Variants in EPS15 observed in about 807,000 individuals in gnomAD.
The protein encoded by EPS15 is epidermal growth factor receptor substrate 15.
Under a neutral mutation model 113.8 loss-of-function variants are expected in EPS15, and 72 were observed. That is an observed-to-expected ratio of 0.63 (90% CI 0.52 to 0.77). The LOEUF is 0.77. Ranked by LOEUF, EPS15 falls within the 30% of genes least tolerant of loss-of-function variation. The pLI is 0.00. For synonymous variants in EPS15, 344 were observed against 363.4 expected (o/e 0.95, Z 0.61); for missense variants, 1,048 against 1,045.8 (o/e 1.00, Z -0.03).
At chr1:51,452,748 A>G (rs1653680897) in intron 8 of EPS15, among the ~76,000 whole-genome samples, 1 of 152,206 alleles carries the variant, frequency 6.6e-6, no homozygotes, top group Non-Finnish European at 1.5e-5. Context: ...CAGCTTTATT[A>G]GCAGCACATA....
chr1:51,368,589 T>C (rs143701612), intron 21 of EPS15, among the ~76,000 whole-genome samples: 2,238 of 148,870 alleles, frequency 0.015, 30 homozygotes, highest in Non-Finnish European at 0.021. Flanking sequence ...TTATTTTTCT[T>C]TTTTGTTTCT....
chr1:51,465,369 A>G (rs1188686584), intron 5 of EPS15, 43 bp from the exon 6 acceptor site: 6 of 1,371,958 alleles, frequency 4.4e-6, no homozygotes, highest in African/African-American at 1.5e-5. Flanking sequence ...AAATTCTCAC[A>G]TCAAGAAGCA....
intron 22 of EPS15, among the ~76,000 whole-genome samples, chr1:51,364,314 T>C (rs1646457645): frequency 6.6e-6 from 1 of 152,070 alleles, no homozygotes; most frequent in South Asian, 2.1e-4. Flanking sequence ...AAATATTCAA[T>C]GCAAAAACCA....
rs562578514 is a variant in EPS15 at position 51,497,352 on chromosome 1, C to T, written c.34-16038G>A. 2.0e-5 allele frequency among the ~76,000 whole-genome samples: 3 copies of T among 152,236 alleles called. No homozygotes were observed. In the South Asian group the frequency reaches 6.2e-4, roughly 32 times the overall value. ...GTTATACTAAAATTGAGGGGAAAAT[C>T]CCCTTCTCAGATGAGATAAACTTAC... On this transcript the variant is annotated intron_variant, in intron 1 of 24. Transcript: ENST00000371733.
At chr1:51,387,924 T>C (rs763677661) in intron 21 of EPS15, among the ~76,000 whole-genome samples, 9 of 152,054 alleles carry the variant, frequency 5.9e-5, no homozygotes, top group African/African-American at 1.9e-4. Context: ...GACAGAAAGT[T>C]AAAAAGGATA....
chr1:51,454,740 A>G (rs913292731), intron 8 of EPS15, among the ~76,000 whole-genome samples: 2 of 152,218 alleles, frequency 1.3e-5, no homozygotes, highest in African/African-American at 2.4e-5. Context: ...ATCCTGTGAC[A>G]GAAAGGAAAA....
At chr1:51,451,490 C>CAAAAAAAAAAAAAAAAAAAAAAAA (rs56091976) in intron 8 of EPS15, among the ~76,000 whole-genome samples, 1 of 50,812 alleles carries the variant, frequency 2.0e-5, no homozygotes, top group Non-Finnish European at 3.8e-5. Context: ...GACTCCATCT[C>CAAAAAAAAAAAAAAAAAAAAAAAA]AAAAAAAAAA....
intron 23 of EPS15, among the ~76,000 whole-genome samples, chr1:51,361,580 T>A (rs901653541): frequency 2.6e-5 from 4 of 152,094 alleles, no homozygotes; most frequent in African/African-American, 9.7e-5. Context: ...ATGAAACAAA[T>A]AGCAAAGTAA....
chr1:51,497,192 AT>A (rs1010072368), intron 1 of EPS15, among the ~76,000 whole-genome samples: 24 of 152,348 alleles, frequency 1.6e-4, no homozygotes, highest in African/African-American at 5.5e-4. Flanking sequence ...CATTTGATGA[AT>A]ATTTCTATGT....
intron 1 of EPS15, among the ~76,000 whole-genome samples, chr1:51,509,244 A>C (rs992229295): frequency 5.4e-5 from 8 of 147,646 alleles, no homozygotes; most frequent in Admixed American, 2.0e-4. Flanking sequence ...AATGCATATA[A>C]TTTCATATTT....
chr1:51,485,480 C>T (rs1644103687), intron 1 of EPS15, among the ~76,000 whole-genome samples: 1 of 152,066 alleles, frequency 6.6e-6, no homozygotes, highest in South Asian at 2.1e-4. Flanking sequence ...GTAGTCCCAG[C>T]TATTTGGGAG....
intron 21 of EPS15, chr1:51,373,245 AT>A (rs60935566): frequency 0.021 from 3,218 of 154,118 alleles, 52 homozygotes; most frequent in Non-Finnish European, 0.031. Flanking sequence ...AGCTTTTTAA[AT>A]TTGTAAATTA....
chr1:51,508,069 C>A (rs1304981198), intron 1 of EPS15, among the ~76,000 whole-genome samples: 1 of 151,834 alleles, frequency 6.6e-6, no homozygotes, highest in Non-Finnish European at 1.5e-5. Context: ...GTAGTCCCAG[C>A]TACTCAGGAG....
chr1:51,426,864 T>C (rs575105045), intron 12 of EPS15, among the ~76,000 whole-genome samples: 1,689 of 139,940 alleles, frequency 0.012, 46 homozygotes, highest in African/African-American at 0.05. Context: ...CACACACACA[T>C]ATATATATAC....
intron 8 of EPS15, among the ~76,000 whole-genome samples, chr1:51,454,184 C>T (rs895511096): frequency 1.3e-5 from 2 of 151,752 alleles, no homozygotes; most frequent in Non-Finnish European, 2.9e-5. Context: ...CTCCTCTATA[C>T]ATCTCTAAGT....
rs1378832462 is a variant in EPS15 at position 51,354,301 on chromosome 1, T to A, written c.*2399A>T. 1 of 178,264 alleles carries A rather than the reference T, an allele frequency of 5.6e-6. No homozygotes were observed. Among genetic ancestry groups the A allele is most frequent in the Non-Finnish European group, 1.2e-5 (1 of 83,012 alleles). 11.0% of individuals were successfully genotyped at this position (178,264 alleles called of 1,614,324 possible). On this transcript the variant is annotated 3_prime_UTR_variant, in exon 25 of 25. Coordinates refer to ENST00000371733, the MANE Select transcript of EPS15 (RefSeq NM_001981.3). ...TTATTATTTATTCTATACCAGGTGCTGTCCCAAACCCTTTACATATATTAA... is the reference window on the plus strand; with the variant it reads ...TTATTATTTATTCTATACCAGGTGCAGTCCCAAACCCTTTACATATATTAA...
Position 51,364,073 on chromosome 1 carries a change from T to C in EPS15, c.2197-45A>G, listed in dbSNP as rs200991481. 5,473 of 1,450,338 alleles carry C rather than the reference T, an allele frequency of 3.8e-3. 26 individuals are homozygous for C. Among genetic ancestry groups the C allele is most frequent in the Middle Eastern group, 9.4e-3 (51 of 5,398 alleles). The allele number at this position is 1,450,338 out of a possible 1,614,324, so 89.8% of individuals were successfully genotyped here. A position where few individuals can be genotyped will look rare whatever the true frequency, so the allele number is the denominator to read the frequency against. ...GTTATACATGGCTATACCAAGCAAA[T>C]TGTGGTAGTCATGTAGCATTCAGAA... On this transcript the variant is annotated intron_variant, in intron 22 of 24. Coordinates refer to ENST00000371733, the MANE Select transcript of EPS15 (RefSeq NM_001981.3).
intron 1 of EPS15, among the ~76,000 whole-genome samples, chr1:51,513,720 G>A (rs1402885574): frequency 2.0e-5 from 3 of 152,216 alleles, no homozygotes; most frequent in African/African-American, 7.2e-5. Context: ...GATAATAATA[G>A]CTTAGTTCAT....
chr1:51,507,934 T>C (rs1644526420), intron 1 of EPS15, among the ~76,000 whole-genome samples: 1 of 151,880 alleles, frequency 6.6e-6, no homozygotes, highest in African/African-American at 2.4e-5. Context: ...TTCCAGCACT[T>C]TGGGAGGCCG....
Sources: gnomAD v4.1 joint callset for allele counts (sites outside exome capture counted in the v4.1 genomes callset) on GRCh38, gnomAD v4.1.1 for gene constraint, MANE v1.5 for transcripts, NCBI Gene and HGNC (gene_info 2026-07-23, HGNC 2026-07-21) for gene names.